Variants in WWC1 observed in about 807,000 individuals in gnomAD.
WWC1 encodes the protein WW and C2 domain containing 1, also known as protein KIBRA.
WWC1 carries 55 observed loss-of-function variants against 138.4 expected under a neutral mutation model. The observed-to-expected ratio is 0.40, with a 90% CI of 0.32 to 0.50. The LOEUF (loss-of-function observed/expected upper bound fraction) is 0.50, where lower values mean the gene tolerates loss of function less well. Ranked by LOEUF, WWC1 falls within the 20% of genes least tolerant of loss-of-function variation. WWC1 has a pLI of 0.72. For missense variants in WWC1, 1,226 were observed against 1,420.4 expected (o/e 0.86, Z 2.20); for synonymous variants, 524 against 564.9 (o/e 0.93, Z 1.03).
chr5:168,380,983 T>C (rs917894514), intron 2 of WWC1, among the ~76,000 whole-genome samples: 1 of 151,990 alleles, frequency 6.6e-6, no homozygotes, highest in Non-Finnish European at 1.5e-5. Flanking sequence ...CCTGGGAGCG[T>C]CCAGGGGATC....
intron 1 of WWC1, among the ~76,000 whole-genome samples, chr5:168,355,274 A>G (rs1775306614): frequency 6.8e-6 from 1 of 147,988 alleles, no homozygotes; most frequent in South Asian, 2.1e-4. Context: ...TGGGCGGATC[A>G]CCTGAGGTCA....
At chr5:168,310,365 T>C (rs1232921099) in intron 1 of WWC1, among the ~76,000 whole-genome samples, 2 of 151,422 alleles carry the variant, frequency 1.3e-5, no homozygotes, top group Non-Finnish European at 2.9e-5. Flanking sequence ...GAATATATTA[T>C]ATATAATTAT....
Position 168,339,806 on chromosome 5 carries a change from T to TTTTC in WWC1, c.120-31594_120-31591dup, listed in dbSNP as rs138461958. 8.5e-3 allele frequency among the ~76,000 whole-genome samples: 1,218 copies of TTTTC among 142,708 alleles called. 13 individuals carry two copies. Among genetic ancestry groups the TTTTC allele is most frequent in the East Asian group, 0.026 (115 of 4,412 alleles). The allele number at this position is 142,708 out of a possible 152,430, so 93.6% of individuals were successfully genotyped here. ...ATGAGACAAGTACCATTCTTTTTGT[T>TTTTC]TTTCTTTCTTTCTTTCTTTCTTTCT... On this transcript the variant is annotated intron_variant, in intron 1 of 22. Transcript: ENST00000265293.
intron 9 of WWC1, chr5:168,414,853 C>T (rs1780483874): frequency 1.4e-5 from 7 of 488,772 alleles, no homozygotes; most frequent in African/African-American, 2.0e-5. Context: ...AATGTATCTT[C>T]TGACTCAATT....
At chr5:168,348,955 G>A (rs929082836) in intron 1 of WWC1, among the ~76,000 whole-genome samples, 6 of 152,042 alleles carry the variant, frequency 3.9e-5, no homozygotes, top group South Asian at 2.1e-4. Flanking sequence ...CTGTACACAC[G>A]TCATCCTATA....
chr5:168,436,531 C>T (rs953245819), intron 15 of WWC1, among the ~76,000 whole-genome samples: 2 of 152,208 alleles, frequency 1.3e-5, no homozygotes, highest in Non-Finnish European at 2.9e-5. Flanking sequence ...CGCCTCGAAT[C>T]TTGTATCTCC....
intron 9 of WWC1, among the ~76,000 whole-genome samples, chr5:168,418,312 T>C (rs1459542419): frequency 6.6e-6 from 1 of 152,156 alleles, no homozygotes; most frequent in Non-Finnish European, 1.5e-5. Flanking sequence ...CCAGAGCTGG[T>C]GTGCAGTCAT....
intron 8 of WWC1, 139 bp from the exon 9 acceptor site, chr5:168,414,209 G>C: frequency 7.7e-7 from 1 of 1,304,224 alleles, no homozygotes; most frequent in Non-Finnish European, 1.0e-6. Flanking sequence ...AAAAAAAATA[G>C]GTTCCTTGAG....
intron 19 of WWC1, 98 bp from the exon 20 acceptor site, chr5:168,460,552 T>C: frequency 9.1e-7 from 1 of 1,097,524 alleles, no homozygotes; most frequent in Non-Finnish European, 1.3e-6. Context: ...GAGGAAGGAC[T>C]GTGCCGAGTG....
rs755326128 is a variant in WWC1, at chr5:168,408,494, TC to T, written c.721-9del. On this transcript the variant is annotated splice_polypyrimidine_tract_variant and intron_variant, in intron 6 of 22. Transcript: ENST00000265293. ...GGAAGGCGCATCACTAACCCTGCTC[TC>T]CCCTCCTTCAGAGCCTTGCCATGTT... is the stretch of plus-strand genomic sequence containing the variant. 44 of 1,613,496 alleles carry T rather than the reference TC, an allele frequency of 2.7e-5. No individual in the cohort carries two copies. Among genetic ancestry groups the T allele is most frequent in the Non-Finnish European group, 3.6e-5 (42 of 1,179,736 alleles).
rs566632179 is a variant in WWC1 at position 168,388,607 on chromosome 5, A to T, written c.433+3193A>T. On this transcript the variant is annotated intron_variant, in intron 3 of 22. Transcript: ENST00000265293. Reference sequence around the variant, plus strand: ...CAATTTGGGAGGCCGAGGTAGGTGGATCAATTGAGGTCAGGAGTTTGAGAC... The same window carrying T: ...CAATTTGGGAGGCCGAGGTAGGTGGTTCAATTGAGGTCAGGAGTTTGAGAC... Among the ~76,000 whole-genome samples the T allele has an allele frequency of 1.2e-4, 19 of 152,276 alleles. 1 individual carries two copies. The South Asian group carries it at 3.5e-3, about 28-fold the overall frequency.
At chr5:168,448,704 C>T (rs938778198) in intron 17 of WWC1, among the ~76,000 whole-genome samples, 8 of 149,668 alleles carry the variant, frequency 5.3e-5, no homozygotes, top group Admixed American at 1.3e-4. Flanking sequence ...CTGCAAGCTC[C>T]GCCACCTGGG....
intron 1 of WWC1, among the ~76,000 whole-genome samples, chr5:168,326,929 G>A (rs1772614360): frequency 6.6e-6 from 1 of 152,186 alleles, no homozygotes; most frequent in South Asian, 2.1e-4. Flanking sequence ...TTTTTGAAGG[G>A]ACAGAGCTGC....
chr5:168,326,239 C>T (rs1319038999), intron 1 of WWC1, among the ~76,000 whole-genome samples: 3 of 83,674 alleles, frequency 3.6e-5, no homozygotes, highest in African/African-American at 8.6e-5. Flanking sequence ...TTTTTTGGGA[C>T]GGAGTTTTGC....
chr5:168,430,320 C>T, intron 14 of WWC1, 97 bp downstream of exon 14: 1 of 940,422 alleles, frequency 1.1e-6, no homozygotes, highest in East Asian at 2.6e-5. Context: ...AGTTATGGGC[C>T]TTGTCAAGGC....
intron 2 of WWC1, 71 bp from the exon 3 acceptor site, chr5:168,385,139 TG>T: frequency 6.5e-7 from 1 of 1,540,320 alleles, no homozygotes; most frequent in Non-Finnish European, 8.9e-7. Flanking sequence ...TTTCTGCTAG[TG>T]GATACCACAG....
chr5:168,372,318 C>T (rs796285714), intron 2 of WWC1, among the ~76,000 whole-genome samples: 31 of 152,226 alleles, frequency 2.0e-4, no homozygotes, highest in African/African-American at 7.0e-4. Context: ...CCCTCTTGGC[C>T]AAGACTGTTC....
At chr5:168,442,758 A>G (rs2152872587) in intron 16 of WWC1, among the ~76,000 whole-genome samples, 1 of 150,406 alleles carries the variant, frequency 6.6e-6, no homozygotes, top group South Asian at 2.1e-4. Flanking sequence ...AATTGCTTAA[A>G]CCCGGGAGGC....
intron 21 of WWC1, among the ~76,000 whole-genome samples, chr5:168,465,796 A>C (rs1430111433): frequency 6.6e-6 from 1 of 152,014 alleles, no homozygotes; most frequent in African/African-American, 2.4e-5. Flanking sequence ...GGGCTCAAAC[A>C]TTCAACCTGC....
Sources: gnomAD v4.1 joint callset for allele counts (sites outside exome capture counted in the v4.1 genomes callset) on GRCh38, gnomAD v4.1.1 for gene constraint, MANE v1.5 for transcripts, NCBI Gene and HGNC (gene_info 2026-07-23, HGNC 2026-07-21) for gene names.